The following KLF15 variants were observed in gnomAD, a reference collection of about 807,000 sequenced individuals.
The protein encoded by KLF15 is KLF transcription factor 15, also known as Krueppel-like factor 15.
A neutral mutation model predicts 24.6 loss-of-function variants in KLF15; 4 were observed. That is an observed-to-expected ratio of 0.16 (90% CI 0.08 to 0.37). The LOEUF (loss-of-function observed/expected upper bound fraction) is 0.37. Among genes scored for constraint, KLF15 ranks in the 10% least tolerant of loss-of-function variants. The pLI, the probability that KLF15 is intolerant of heterozygous loss-of-function variation, is 1.00. For synonymous variants in KLF15, 246 were observed against 236.3 expected (o/e 1.04, Z -0.37); for missense variants, 496 against 560.6 (o/e 0.88, Z 1.16).
At chr3:126,316,779 T>C in the KLF15 span, among the ~76,000 whole-genome samples, 11 of 150,686 alleles carry the variant, frequency 7.3e-5, no homozygotes, top group Non-Finnish European at 1.3e-4. Context: ...ACAGGCAGAG[T>C]GGGGCTGGGG....
At chr3:126,334,230 C>T in the KLF15 span, among the ~76,000 whole-genome samples, 2 of 151,932 alleles carry the variant, frequency 1.3e-5, no homozygotes, top group Non-Finnish European at 2.9e-5. Context: ...ATCTCTCAGA[C>T]CACAGTGCGA....
the KLF15 span, among the ~76,000 whole-genome samples, chr3:126,327,275 C>T: frequency 3.9e-5 from 6 of 152,096 alleles, no homozygotes; most frequent in African/African-American, 7.2e-5. Flanking sequence ...GGGTGGGAAG[C>T]GTGGGGCAGA....
chr3:126,299,534 G>A, the KLF15 span, among the ~76,000 whole-genome samples: 1 of 151,958 alleles, frequency 6.6e-6, no homozygotes, highest in African/African-American at 2.4e-5. Context: ...CAGATCACGA[G>A]GTCAGGAGAT....
chr3:126,322,453 T>C, the KLF15 span, among the ~76,000 whole-genome samples: 1 of 152,168 alleles, frequency 6.6e-6, no homozygotes, highest in African/African-American at 2.4e-5. Flanking sequence ...CTCTGACCTC[T>C]TCTTCGGTCC....
chr3:126,314,114 G>T, the KLF15 span, among the ~76,000 whole-genome samples: 1 of 152,116 alleles, frequency 6.6e-6, no homozygotes, highest in African/African-American at 2.4e-5. Context: ...GTCTCAGGCT[G>T]TGTCACTCCC....
the KLF15 span, among the ~76,000 whole-genome samples, chr3:126,331,605 G>T: frequency 2.6e-5 from 4 of 152,158 alleles, 1 homozygote; most frequent in South Asian, 2.1e-4. Context: ...TGTCTAGTGG[G>T]GGGGAGGAGC....
rs2082502295 is a variant in KLF15 at position 126,343,638 on chromosome 3, C to T, written c.*89G>A. ...GTGGGCTGGTAACATTGCCATGTCCCTCTGGAGGAGGCAAATAAATTATTG... is the reference window on the plus strand; with the variant it reads ...GTGGGCTGGTAACATTGCCATGTCCTTCTGGAGGAGGCAAATAAATTATTG... On this transcript the variant is annotated 3_prime_UTR_variant, in exon 3 of 3. Coordinates refer to ENST00000296233, the MANE Select transcript of KLF15 (RefSeq NM_014079.4). 4 of 1,345,284 alleles carry T rather than the reference C, an allele frequency of 3.0e-6. No individual in the cohort carries two copies. The Admixed American group carries it at 6.4e-5, about 22-fold the overall frequency. The allele number at this position is 1,345,284 out of a possible 1,614,324, so 83.3% of individuals were successfully genotyped here. A position where few individuals can be genotyped will look rare whatever the true frequency, so the allele number is the denominator to read the frequency against.
chr3:126,338,412 C>T (rs1279629365), downstream of KLF15, among the ~76,000 whole-genome samples: 3 of 152,204 alleles, frequency 2.0e-5, no homozygotes, highest in South Asian at 2.1e-4. Flanking sequence ...GTCAAGGTGA[C>T]GTTCGTGCAT....
At chr3:126,343,950 C>T (rs768306702) in intron 2 of KLF15, 55 bp from the exon 3 acceptor site, 522 of 1,491,304 alleles carry the variant, frequency 3.5e-4, no homozygotes, top group Non-Finnish European at 4.5e-4. Context: ...CTGCCTGCCC[C>T]GACCCCACGA....
chr3:126,321,417 C>T, the KLF15 span, among the ~76,000 whole-genome samples: 1 of 152,258 alleles, frequency 6.6e-6, no homozygotes, highest in Non-Finnish European at 1.5e-5. Context: ...CCTGCAAAGG[C>T]TGTGGCTCCT....
Position 126,352,398 on chromosome 3 carries a change from A to C in KLF15, c.525T>G (p.Ala175=). Reference sequence around the variant, plus strand: ...GATGGAGGTGGCTCTTGTGTGGCCCAGCTGAGAGCTGGCTGCAGGCATCCA... The same window carrying C: ...GATGGAGGTGGCTCTTGTGTGGCCCCGCTGAGAGCTGGCTGCAGGCATCCA... The part of the protein sequence containing the change: ...KDLDACSQLS[A]GPHKSHLHPG... The change falls in exon 2 of 3, where the codon GCT becomes GCG. Residue 175 remains alanine, a synonymous_variant. Coordinates refer to ENST00000296233, the MANE Select transcript of KLF15 (RefSeq NM_014079.4). 1.9e-6 allele frequency: 3 copies of C among 1,613,144 alleles called. No homozygotes were observed. Among genetic ancestry groups the C allele is most frequent in the Non-Finnish European group, 2.5e-6 (3 of 1,179,770 alleles).
the KLF15 span, among the ~76,000 whole-genome samples, chr3:126,321,824 CG>C: frequency 6.6e-6 from 1 of 152,172 alleles, no homozygotes; most frequent in Non-Finnish European, 1.5e-5. Context: ...GTGTCGGCTC[CG>C]GGGTGGCACT....
chr3:126,331,860 T>C, the KLF15 span, among the ~76,000 whole-genome samples: 1 of 152,290 alleles, frequency 6.6e-6, no homozygotes, highest in Admixed American at 6.5e-5. Flanking sequence ...GGGTGACGGA[T>C]GCACCTGGAA....
chr3:126,296,243 C>G, the KLF15 span, among the ~76,000 whole-genome samples: 488 of 152,290 alleles, frequency 3.2e-3, 4 homozygotes, highest in African/African-American at 0.011. Context: ...GAGTCTCGCT[C>G]TATCGCCCAG....
the KLF15 span, among the ~76,000 whole-genome samples, chr3:126,329,112 A>C: frequency 6.6e-6 from 1 of 152,146 alleles, no homozygotes; most frequent in South Asian, 2.1e-4. Flanking sequence ...TACCTTTATA[A>C]TTGTGTGTTT....
downstream of KLF15, among the ~76,000 whole-genome samples, chr3:126,338,141 A>T (rs2082453490): frequency 6.6e-6 from 1 of 152,196 alleles, no homozygotes; most frequent in African/African-American, 2.4e-5. Flanking sequence ...TGTGGATGGA[A>T]TCCCAGCTGT....
the KLF15 span, among the ~76,000 whole-genome samples, chr3:126,303,797 T>C: frequency 1.3e-5 from 2 of 152,262 alleles, no homozygotes; most frequent in East Asian, 3.9e-4. Flanking sequence ...TTTCCTCTGA[T>C]GTACTGTTTA....
chr3:126,340,401 G>A (rs1216619990), downstream of KLF15, among the ~76,000 whole-genome samples: 1 of 152,224 alleles, frequency 6.6e-6, no homozygotes, highest in African/African-American at 2.4e-5. Context: ...TGGAGCCAAG[G>A]GGCATTGGAG....
the KLF15 span, among the ~76,000 whole-genome samples, chr3:126,305,553 G>A: frequency 0.55 from 83,481 of 151,958 alleles, 23,289 homozygotes; most frequent in African/African-American, 0.62. Context: ...GTAAAACAAA[G>A]CAAAATGAAA....
Sources: gnomAD v4.1 joint callset for allele counts (sites outside exome capture counted in the v4.1 genomes callset) on GRCh38, gnomAD v4.1.1 for gene constraint, MANE v1.5 for transcripts, NCBI Gene and HGNC (gene_info 2026-07-23, HGNC 2026-07-21) for gene names.